The following PCM1 variants were observed in gnomAD, a reference collection of about 807,000 sequenced individuals.
The protein encoded by PCM1 is pericentriolar material 1 protein.
PCM1 carries 157 observed loss-of-function variants against 241.9 expected under a neutral mutation model. That is an observed-to-expected ratio of 0.65 (90% CI 0.57 to 0.74). The LOEUF is 0.74. Ranked by LOEUF, PCM1 falls within the 30% of genes least tolerant of loss-of-function variation. The pLI is 0.00. For missense variants in PCM1, 3,478 were observed against 2,360.1 expected (o/e 1.47, Z -9.81); for synonymous variants, 1,085 against 784.9 (o/e 1.38, Z -6.39).
At chr8:18,024,643 T>A (rs1347569924) in intron 36 of PCM1, among the ~76,000 whole-genome samples, 2 of 152,210 alleles carry the variant, frequency 1.3e-5, no homozygotes, top group Non-Finnish European at 2.9e-5. Context: ...TCAGGGATCC[T>A]ACTGAATGTT....
intron 29 of PCM1, among the ~76,000 whole-genome samples, chr8:18,005,346 T>G (rs1315973755): frequency 3.9e-5 from 5 of 127,638 alleles, no homozygotes; most frequent in Admixed American, 7.6e-5. Flanking sequence ...GACAGTTGTG[T>G]TGTTGTTGTT....
intron 29 of PCM1, among the ~76,000 whole-genome samples, chr8:18,000,753 C>T (rs1430540880): frequency 6.6e-6 from 1 of 152,106 alleles, no homozygotes. Context: ...TCCCAAGTAT[C>T]TGGGACTACA....
At chr8:18,011,618 T>C (rs1280132639) in intron 33 of PCM1, 49 bp from the exon 34 acceptor site, 2 of 1,517,522 alleles carry the variant, frequency 1.3e-6, no homozygotes, top group Non-Finnish European at 1.8e-6. Flanking sequence ...TAGCTATTGT[T>C]AAGATTATGT....
At position 18,006,305 on chromosome 8, in the gene PCM1, G is replaced by A; in HGVS notation, c.4870G>A (p.Val1624Ile). ...ATGCTCCTCGCAGCTTCTAACTTCA[G>A]TAAGGCGCATGGTTTTGACCCTTAC... ...EVCSSQLLTS[V>I]RRMVLTLTQQ... The change falls in exon 30 of 39, where the codon GTA becomes ATA. Residue 1624 changes from valine (V) to isoleucine (I), a missense_variant. Val to Ile is a conservative substitution (Grantham distance 29). Transcript: ENST00000325083. 1 of 1,612,578 alleles carries A rather than the reference G, an allele frequency of 6.2e-7. No individual in the cohort carries two copies. The highest frequency in any genetic ancestry group is 8.5e-7 in the Non-Finnish European group (1 of 1,178,878).
chr8:17,974,078 G>C lies in PCM1; in HGVS notation c.3943+1391G>C, dbSNP rs565981825. ...TGGTTTAAAAAGCAAGTTTGAACAG[G>C]AGTGAAAGAGGTGACATTTTTCTTA... On this transcript the variant is annotated intron_variant, in intron 23 of 38. Transcript: ENST00000325083. 2.0e-5 allele frequency among the ~76,000 whole-genome samples: 3 copies of C among 152,290 alleles called. 1 individual carries two copies. In the East Asian group the frequency reaches 5.8e-4, roughly 29 times the overall value.
intron 27 of PCM1, 38 bp from the exon 28 acceptor site, chr8:17,991,504 T>C (rs1324069163): frequency 1.3e-6 from 2 of 1,533,730 alleles, no homozygotes; most frequent in African/African-American, 1.4e-5. Context: ...AAAAGTTCAC[T>C]TTTACATACT....
chr8:17,982,507 T>C (rs1197887241), intron 24 of PCM1: 4 of 152,174 alleles, frequency 2.6e-5, no homozygotes, highest in Non-Finnish European at 5.9e-5. Context: ...AAAAAAATTT[T>C]TTTTTGAGAC....
rs112776303 is a variant in PCM1, at chr8:18,025,467, T to TTTAA, written c.5934+19_5934+22dup. ...ATATATTCAGAGGTATTTAGCTGTC[T>TTTAA]TTAATTAAACTTGTCTTTACATAAC... On this transcript the variant is annotated intron_variant, in intron 37 of 38. Coordinates refer to ENST00000325083, the MANE Select transcript of PCM1 (RefSeq NM_006197.4). 1.3e-6 allele frequency: 2 copies of TTTAA among 1,547,404 alleles called. No individual in the cohort carries two copies. The highest frequency in any genetic ancestry group is 3.5e-5 in the Admixed American group (2 of 57,248).
intron 38 of PCM1, 52 bp downstream of exon 38, chr8:18,025,710 A>G (rs1234533161): frequency 9.7e-7 from 1 of 1,026,134 alleles, no homozygotes; most frequent in Non-Finnish European, 1.5e-6. Context: ...TTGAATCTTC[A>G]TACTACTATT....
At chr8:17,979,178 A>C (rs980617124) in intron 23 of PCM1, among the ~76,000 whole-genome samples, 13 of 152,048 alleles carry the variant, frequency 8.5e-5, no homozygotes, top group African/African-American at 2.9e-4. Context: ...AAAGACTGTT[A>C]GCCAGTGTAC....
chr8:17,955,016 A>G (rs1563877819), intron 9 of PCM1, among the ~76,000 whole-genome samples: 1 of 152,066 alleles, frequency 6.6e-6, no homozygotes, highest in Non-Finnish European at 1.5e-5. Context: ...TGAAGACCTA[A>G]TCAGCTACAG....
rs955960928 is a variant in PCM1, at chr8:18,029,387, A to ATAAG, written c.*1727_*1730dup. The stretch of plus-strand genomic sequence containing the variant: ...AACTAACTTCAGGGAAATTGGAACA[A>ATAAG]TAAGTTATGTTACATGCACACTCAA... On this transcript the variant is annotated 3_prime_UTR_variant, in exon 39 of 39. Coordinates refer to ENST00000325083, the MANE Select transcript of PCM1 (RefSeq NM_006197.4). 1.8e-4 allele frequency: 38 copies of ATAAG among 214,626 alleles called. No individual in the cohort carries two copies. The highest frequency in any genetic ancestry group is 8.2e-4 in the African/African-American group (35 of 42,518). 13.3% of individuals were successfully genotyped at this position (214,626 alleles called of 1,614,324 possible). A position where few individuals can be genotyped will look rare whatever the true frequency, so the allele number is the denominator to read the frequency against.
In PCM1 at chr8:17,963,186, A is replaced by G. The variant is rs1331657389; in HGVS notation, c.2549A>G (p.His850Arg). ...RKQLEALMAE[H>R]QRRQGLAETA... ...CAGCTTGAAGCTCTGATGGCTGAAC[A>G]TCAGAGGAGGCAAGGTCTAGCTGAA... Residue 850 changes from histidine (H) to arginine (R), a missense_variant, in exon 17 of 39, where the codon CAT becomes CGT. By Grantham distance (29) the His-to-Arg change is conservative. Transcript: ENST00000325083. The G allele has an allele frequency of 6.2e-7, 1 of 1,613,820 alleles. No individual in the cohort carries two copies. Among genetic ancestry groups the G allele is most frequent in the South Asian group, 1.1e-5 (1 of 91,046 alleles).
chr8:17,964,772 A>C lies in PCM1; in HGVS notation c.2855+4A>C, dbSNP rs755455632. ...ATGGAAAGGAAACTAAAAATAGGTT[A>C]GTTTCAGTATTTTAATTTTGTGCTT... is the stretch of plus-strand genomic sequence containing the variant. On this transcript the variant is annotated splice_donor_region_variant and intron_variant, in intron 18 of 38. Transcript: ENST00000325083. The C allele has an allele frequency of 6.2e-7, 1 of 1,605,984 alleles. No homozygotes were observed. Among genetic ancestry groups the C allele is most frequent in the South Asian group, 1.1e-5 (1 of 90,842 alleles).
At chr8:17,983,812 AT>A (rs1320458670) in intron 24 of PCM1, among the ~76,000 whole-genome samples, 4 of 152,112 alleles carry the variant, frequency 2.6e-5, no homozygotes, top group African/African-American at 9.7e-5. Context: ...AGTTGTAAAT[AT>A]TTTTTTAACT....
At chr8:17,935,019 G>T (rs1035568639) in intron 2 of PCM1, among the ~76,000 whole-genome samples, 2 of 151,948 alleles carry the variant, frequency 1.3e-5, no homozygotes, top group Non-Finnish European at 2.9e-5. Context: ...ATGTCTTCTA[G>T]CCACTGCACT....
chr8:18,020,567 C>T (rs1345567084), intron 36 of PCM1, among the ~76,000 whole-genome samples: 1 of 152,170 alleles, frequency 6.6e-6, no homozygotes, highest in Non-Finnish European at 1.5e-5. Context: ...TGACTCCTCA[C>T]ATTGACTTAT....
In PCM1 at chr8:17,969,637, C is replaced by T. The variant is rs749212253; in HGVS notation, c.3473C>T (p.Thr1158Ile). 1.2e-6 allele frequency: 2 copies of T among 1,612,424 alleles called. No individual in the cohort carries two copies. Among genetic ancestry groups the T allele is most frequent in the South Asian group, 1.1e-5 (1 of 90,970 alleles). Reference protein sequence around the residue: ...NFGDFSQNISTPSEQQQPLAQ... With the variant: ...NFGDFSQNISIPSEQQQPLAQ... ...GGAGATTTTTCTCAGAATATCTCTA[C>T]ACCCAGTGAACAGCAGCAACCCTTA... is the stretch of plus-strand genomic sequence containing the variant. The change falls in exon 22 of 39, where the codon ACA becomes ATA. Residue 1158 changes from threonine to isoleucine, a missense_variant. By Grantham distance (89) the Thr-to-Ile change is moderately conservative. Transcript: ENST00000325083.
At chr8:17,938,599 C>G in intron 4 of PCM1, 141 bp from the exon 5 acceptor site, 2 of 615,722 alleles carry the variant, frequency 3.2e-6, no homozygotes, top group East Asian at 2.7e-5. Context: ...AGAGCCAAAG[C>G]TCTTTCAGGT....
Sources: gnomAD v4.1 joint callset for allele counts (sites outside exome capture counted in the v4.1 genomes callset) on GRCh38, gnomAD v4.1.1 for gene constraint, MANE v1.5 for transcripts, NCBI Gene and HGNC (gene_info 2026-07-23, HGNC 2026-07-21) for gene names.